ACTL8: variants seen among roughly 807,000 people sequenced by gnomAD.
The protein encoded by ACTL8 is actin-like protein 8.
A neutral mutation model predicts 9.3 loss-of-function variants in ACTL8; 3 were observed. The observed-to-expected ratio is 0.32, with a 90% confidence interval of 0.15 to 0.83. The LOEUF (loss-of-function observed/expected upper bound fraction) is 0.83. ACTL8 is among the 40% of genes least tolerant of loss of function. ACTL8 has a pLI of 0.57. For missense variants in ACTL8, 381 were observed against 492.2 expected, an observed-to-expected ratio of 0.77 and a Z score of 2.14; for synonymous variants, 224 against 205.9, an observed-to-expected ratio of 1.09 and a Z score of -0.75.
chr1:17,819,916 G>A (rs375836021), intron 1 of ACTL8, among the ~76,000 whole-genome samples: 34 of 152,182 alleles, frequency 2.2e-4, no homozygotes, highest in African/African-American at 7.7e-4. Context: ...GGCTGAGGTG[G>A]GAGGATTGCT....
chr1:17,797,256 G>A (rs1451539609), intron 1 of ACTL8, among the ~76,000 whole-genome samples: 5 of 152,272 alleles, frequency 3.3e-5, no homozygotes, highest in Admixed American at 1.3e-4. Context: ...GTGGCAGTTC[G>A]CGGTGATGCC....
rs76106401 is a variant in ACTL8 at position 17,794,733 on chromosome 1, A to G, written c.-24-28252A>G. Among the ~76,000 whole-genome samples the G allele has an allele frequency of 3.6e-3, 554 of 152,346 alleles. 11 individuals are homozygous for G. The East Asian group carries it at 0.062, about 17-fold the overall frequency. On this transcript the variant is annotated intron_variant, in intron 1 of 2. Transcript: ENST00000375406. ...ATCAAGCTCTTGTTGTCATAAGCCA[A>G]TGTTGCCATCAGAGGGGAAGTTGAG...
At chr1:17,771,649 G>A (rs1202357648) in intron 1 of ACTL8, among the ~76,000 whole-genome samples, 2 of 152,110 alleles carry the variant, frequency 1.3e-5, no homozygotes, top group Non-Finnish European at 2.9e-5. Flanking sequence ...GAATTGACAG[G>A]GAGGTAGATT....
chr1:17,757,088 C>T (rs1193727851), intron 1 of ACTL8, among the ~76,000 whole-genome samples: 1 of 152,108 alleles, frequency 6.6e-6, no homozygotes, highest in East Asian at 1.9e-4. Flanking sequence ...TATGATTGCA[C>T]CGCTGCACTG....
intron 1 of ACTL8, among the ~76,000 whole-genome samples, chr1:17,801,864 T>TC (rs2102693142): frequency 6.6e-6 from 1 of 152,332 alleles, no homozygotes; most frequent in Non-Finnish European, 1.5e-5. Flanking sequence ...GCATTCGGTG[T>TC]CCATCTAGTT....
intron 1 of ACTL8, among the ~76,000 whole-genome samples, chr1:17,800,247 A>G (rs555543225): frequency 6.6e-5 from 10 of 152,310 alleles, no homozygotes; most frequent in South Asian, 2.1e-4. Flanking sequence ...TTTTCTCCAT[A>G]CAAGTCTTGA....
chr1:17,756,510 A>G (rs1404029438), intron 1 of ACTL8, among the ~76,000 whole-genome samples: 1 of 151,384 alleles, frequency 6.6e-6, no homozygotes, highest in Non-Finnish European at 1.5e-5. Flanking sequence ...CGTTCTCTTT[A>G]CTCCTTATCA....
At chr1:17,764,737 A>G (rs531278682) in intron 1 of ACTL8, among the ~76,000 whole-genome samples, 1 of 152,296 alleles carries the variant, frequency 6.6e-6, no homozygotes, top group Admixed American at 6.5e-5. Flanking sequence ...AAGAAATTCC[A>G]CTTGTCTTGA....
At chr1:17,797,932 C>T (rs974808346) in intron 1 of ACTL8, among the ~76,000 whole-genome samples, 1 of 152,032 alleles carries the variant, frequency 6.6e-6, no homozygotes, top group African/African-American at 2.4e-5. Context: ...CTGTAGGAGG[C>T]GAGGAGGTGG....
intron 1 of ACTL8, among the ~76,000 whole-genome samples, chr1:17,756,712 G>T (rs1214317311): frequency 2.6e-5 from 4 of 152,130 alleles, no homozygotes; most frequent in Non-Finnish European, 5.9e-5. Flanking sequence ...TGGTGATTTT[G>T]GGCTTGGGTG....
At chr1:17,781,940 C>A (rs566392421) in intron 1 of ACTL8, among the ~76,000 whole-genome samples, 1 of 152,142 alleles carries the variant, frequency 6.6e-6, no homozygotes, top group East Asian at 1.9e-4. Context: ...GGAGAATGGG[C>A]CATCCATGAA....
chr1:17,815,175 A>G (rs905259871), intron 1 of ACTL8, among the ~76,000 whole-genome samples: 2 of 152,238 alleles, frequency 1.3e-5, no homozygotes, highest in Non-Finnish European at 2.9e-5. Context: ...AGGCTATACC[A>G]TATCTTTGCT....
chr1:17,760,765 G>T (rs1470219012), intron 1 of ACTL8, among the ~76,000 whole-genome samples: 1 of 152,146 alleles, frequency 6.6e-6, no homozygotes, highest in Non-Finnish European at 1.5e-5. Flanking sequence ...TGGGCACTTT[G>T]CCCAGCCCCC....
rs139763668 is a variant in ACTL8 at position 17,791,596 on chromosome 1, T to C, written c.-24-31389T>C. Among the ~76,000 whole-genome samples the C allele has an allele frequency of 7.3e-4, 111 of 152,288 alleles. 1 individual carries two copies. In the East Asian group the frequency reaches 0.02, roughly 27 times the overall value. On this transcript the variant is annotated intron_variant, in intron 1 of 2. Transcript: ENST00000375406. ...CATCGGGGTGCAGAGTGAATGTGGG[T>C]TCCCCTGGCAGATGCCTCCCTGAGG...
rs1252308222 is a variant in ACTL8, at chr1:17,761,397, G to A, written c.-25+5893G>A. Among the ~76,000 whole-genome samples the A allele has an allele frequency of 2.0e-5, 3 of 152,050 alleles. No homozygotes were observed. The East Asian group carries it at 5.8e-4, about 29-fold the overall frequency. On this transcript the variant is annotated intron_variant, in intron 1 of 2. Transcript: ENST00000375406. The stretch of plus-strand genomic sequence containing the variant: ...CTCCTACCTCCGGGGACTGAGCTGG[G>A]CCGCTTACAGGATGCAGGAAGTGGT...
intron 1 of ACTL8, among the ~76,000 whole-genome samples, chr1:17,797,972 G>A (rs556739512): frequency 1.1e-4 from 17 of 152,160 alleles, no homozygotes; most frequent in Non-Finnish European, 1.3e-4. Flanking sequence ...CTGAAATGCT[G>A]TCGAATCTGA....
At chr1:17,810,778 T>TA (rs1443760714) in intron 1 of ACTL8, among the ~76,000 whole-genome samples, 1 of 152,240 alleles carries the variant, frequency 6.6e-6, no homozygotes, top group Admixed American at 6.5e-5. Context: ...TAAGTCTGGT[T>TA]TATTTCATGT....
At position 17,755,463 on chromosome 1, in the gene ACTL8, T is replaced by G. The variant is rs545756931; in HGVS notation, c.-66T>G. On this transcript the variant is annotated 5_prime_UTR_variant, in exon 1 of 3. Transcript: ENST00000375406. ...TGGGTGCCTCTTGTGAGACACTGTT[T>G]CTGAGAGCAGCTTTTGTGGCATCTT... The G allele has an allele frequency of 2.0e-5, 3 of 152,326 alleles. No homozygotes were observed. Among genetic ancestry groups the G allele is most frequent in the South Asian group, 2.1e-4 (1 of 4,822 alleles). The allele number at this position is 152,326 out of a possible 1,614,324, so 9.4% of individuals were successfully genotyped here. A position where few individuals can be genotyped will look rare whatever the true frequency, so the allele number is the denominator to read the frequency against.
At position 17,767,807 on chromosome 1, in the gene ACTL8, T is replaced by C. The variant is rs2066055476; in HGVS notation, c.-25+12303T>C. 1.3e-5 allele frequency among the ~76,000 whole-genome samples: 2 copies of C among 152,142 alleles called. No homozygotes were observed. Among genetic ancestry groups the C allele is most frequent in the Non-Finnish European group, 2.9e-5 (2 of 68,038 alleles). On this transcript the variant is annotated intron_variant, in intron 1 of 2. Coordinates refer to ENST00000375406, the MANE Select transcript of ACTL8 (RefSeq NM_030812.3). This position sits in a 1 kb window ranked among gnomAD's most constrained non-coding sequence, Gnocchi z 4.7. ...GTCCCTGCTTGGCTTCTCGGCTCAGTCTGATGCCGTGACTGCTGACACGGG... is the reference window on the plus strand; with the variant it reads ...GTCCCTGCTTGGCTTCTCGGCTCAGCCTGATGCCGTGACTGCTGACACGGG...
Sources: allele counts gnomAD v4.1 joint callset (sites outside exome capture counted in the v4.1 genomes callset), GRCh38; gene constraint gnomAD v4.1.1; non-coding constraint Gnocchi (gnomAD v3.1); transcripts MANE v1.5; gene names NCBI Gene and HGNC (gene_info 2026-07-23, HGNC 2026-07-21).